DRD4: variants seen among roughly 807,000 people sequenced by gnomAD.
The protein encoded by DRD4 is dopamine receptor D4.
DRD4 carries 26 observed loss-of-function variants against 22.1 expected under a neutral mutation model. That is an observed-to-expected ratio of 1.17 (90% confidence interval 0.86 to 1.63). DRD4 has a LOEUF of 1.63. Ranked by LOEUF, DRD4 falls within the 40% of genes most tolerant of loss-of-function variation. The pLI is 0.00. For missense variants in DRD4, 913 were observed against 632.4 expected (o/e 1.44, Z -4.76); for synonymous variants, 455 against 306.7 (o/e 1.48, Z -5.05).
At chr11:639,337 C>A in intron 1 of DRD4, 96 bp from the exon 2 acceptor site, 2 of 1,197,954 alleles carry the variant, frequency 1.7e-6, no homozygotes, top group South Asian at 1.3e-5. Flanking sequence ...GCCCCCTTCT[C>A]CGTATTCAGC....
In DRD4 at chr11:639,665, T is replaced by C. The variant is rs1265151721; in HGVS notation, c.416T>C (p.Val139Ala). The C allele has an allele frequency of 6.8e-7, 1 of 1,464,222 alleles. No individual in the cohort carries two copies. The highest frequency in any genetic ancestry group is 2.4e-5 in the Admixed American group (1 of 42,506). The allele number at this position is 1,464,222 out of a possible 1,614,324, so 90.7% of individuals were successfully genotyped here. A position where few individuals can be genotyped will look rare whatever the true frequency, so the allele number is the denominator to read the frequency against. The change falls in exon 3 of 4, where the codon GTG (valine) becomes GCG (alanine). Residue 139 changes from valine to alanine, a missense_variant. Physicochemically the swap from Val to Ala is moderately conservative, Grantham distance 64. Coordinates refer to ENST00000176183, the MANE Select transcript of DRD4 (RefSeq NM_000797.4). ...CCCCGCAGGTTCGTGGCCGTGGCCG[T>C]GCCGCTGCGCTACAACCGGCAGGGT... ...ISVDRFVAVAVPLRYNRQGGS... is the reference protein window; with the variant it reads ...ISVDRFVAVAAPLRYNRQGGS...
rs1258037201 is a variant in DRD4, at chr11:639,964, A to C, written c.715A>C (p.Ser239Arg). The C allele has an allele frequency of 4.1e-6, 6 of 1,464,128 alleles. No homozygotes were observed. Among genetic ancestry groups the C allele is most frequent in the Non-Finnish European group, 4.5e-6 (5 of 1,113,474 alleles). The allele number at this position is 1,464,128 out of a possible 1,614,324, so 90.7% of individuals were successfully genotyped here. A position where few individuals can be genotyped will look rare whatever the true frequency, so the allele number is the denominator to read the frequency against. Residue 239 changes from serine to arginine, a missense_variant, in exon 3 of 4, where the codon AGC (serine) becomes CGC (arginine). Ser to Arg is a moderately radical substitution (Grantham distance 110). Coordinates refer to ENST00000176183, the MANE Select transcript of DRD4 (RefSeq NM_000797.4). ...GCACGGCCGCGCGCCCCGCCGACCC[A>C]GCGGCCCTGGCCCGCCTTCCCCCAC... is the stretch of plus-strand genomic sequence containing the variant. ...KLHGRAPRRP[S>R]GPGPPSPTPP...
chr11:639,121 GGC>G (rs1285174468), intron 1 of DRD4: 1 of 395,642 alleles, frequency 2.5e-6, no homozygotes, highest in South Asian at 2.8e-5. Flanking sequence ...CGGGGGTGGT[GGC>G]GCGCGGCTGT....
chr11:639,852 CT>C lies in DRD4; in HGVS notation c.605del (p.Phe202SerfsTer144). 2 of 1,585,780 alleles carry C rather than the reference CT, an allele frequency of 1.3e-6. No homozygotes were observed. Among genetic ancestry groups the C allele is most frequent in the Non-Finnish European group, 1.7e-6 (2 of 1,173,568 alleles). On this transcript the variant is annotated frameshift_variant, in exon 3 of 4. Coordinates refer to ENST00000176183, the MANE Select transcript of DRD4 (RefSeq NM_000797.4). LOFTEE classifies it high-confidence loss of function. ...TGGTCTACTCGTCCGTGTGCTCCTT[CT>C]TCCTACCCTGCCCGCTCATGCTGCT... ...YVVYSSVCSF[F>X]LPCPLMLLLY...
At chr11:638,667 A>C (rs1309525580) in intron 1 of DRD4, among the ~76,000 whole-genome samples, 4 of 152,200 alleles carry the variant, frequency 2.6e-5, no homozygotes, top group Non-Finnish European at 5.9e-5. Context: ...AACTTAGCCA[A>C]CAGAGCAGCC....
chr11:639,561 C>A lies in DRD4; in HGVS notation c.398+16C>A, dbSNP rs201554946. 6.2e-6 allele frequency: 9 copies of A among 1,440,816 alleles called. No homozygotes were observed. The Admixed American group carries it at 9.7e-5, about 15-fold the overall frequency. 89.3% of individuals were successfully genotyped at this position (1,440,816 alleles called of 1,614,324 possible). A position where few individuals can be genotyped will look rare whatever the true frequency, so the allele number is the denominator to read the frequency against. ...GCGTGGACAGGTGCGCCGCCCTCCC[C>A]GCCCGCGCCCCGGCGCCCCCGCGCC... On this transcript the variant is annotated intron_variant, in intron 2 of 3. Coordinates refer to ENST00000176183, the MANE Select transcript of DRD4 (RefSeq NM_000797.4).
In DRD4 at chr11:637,375, CG is replaced by C; in HGVS notation, c.76del (p.Ala26HisfsTer32). On this transcript the variant is annotated frameshift_variant, in exon 1 of 4. Coordinates refer to ENST00000176183, the MANE Select transcript of DRD4 (RefSeq NM_000797.4). LOFTEE classifies it high-confidence loss of function. ...CGCGGGCCGGCCGCGGGGGCATCTG[CG>C]GGGGCATCTGCGGGGCTGGCTGGGC... is the stretch of plus-strand genomic sequence containing the variant. ...AGRGPAAGAS[A>X]GASAGLAGQG... 1 of 1,362,066 alleles carries C rather than the reference CG, an allele frequency of 7.3e-7. No individual in the cohort carries two copies. Among genetic ancestry groups the C allele is most frequent in the Non-Finnish European group, 9.4e-7 (1 of 1,065,060 alleles). The allele number at this position is 1,362,066 out of a possible 1,614,324, so 84.4% of individuals were successfully genotyped here. A position where few individuals can be genotyped will look rare whatever the true frequency, so the allele number is the denominator to read the frequency against.
chr11:639,262 AGGGAGATCTGCGTGGGGAAG>A, intron 1 of DRD4, 151 bp from the exon 2 acceptor site: 1 of 645,512 alleles, frequency 1.5e-6, no homozygotes, highest in Non-Finnish European at 2.8e-6. Flanking sequence ...CTCAAAACAA[AGGGAGATCTGCGTGGGGAAG>A]GGGTGTTTCC....
intron 1 of DRD4, among the ~76,000 whole-genome samples, chr11:637,928 C>T (rs527815615): frequency 1.3e-5 from 2 of 152,360 alleles, no homozygotes; most frequent in African/African-American, 2.4e-5. Context: ...GATTTCACCT[C>T]CAGGGCAGCC....
In DRD4 at chr11:640,546, T is replaced by G. The variant is rs773219389; in HGVS notation, c.1203T>G (p.Thr401=). The stretch of plus-strand genomic sequence containing the variant: ...GCGCCCTCAACCCCGTCATCTACAC[T>G]GTCTTCAACGCCGAGTTCCGCAACG... ...VNSALNPVIY[T]VFNAEFRNVF... Residue 401 remains threonine (T), a synonymous_variant, in exon 4 of 4, where the codon ACT becomes ACG. Transcript: ENST00000176183. 7 of 1,600,300 alleles carry G rather than the reference T, an allele frequency of 4.4e-6. No individual in the cohort carries two copies. In the Admixed American group the frequency reaches 1.0e-4, roughly 23 times the overall value.
At position 639,717 on chromosome 11, in the gene DRD4, C is replaced by G; in HGVS notation, c.468C>G (p.Ile156Met). The G allele has an allele frequency of 6.7e-7, 1 of 1,503,244 alleles. No homozygotes were observed. The highest frequency in any genetic ancestry group is 2.7e-5 in the East Asian group (1 of 37,080). The allele number at this position is 1,503,244 out of a possible 1,614,324, so 93.1% of individuals were successfully genotyped here. A position where few individuals can be genotyped will look rare whatever the true frequency, so the allele number is the denominator to read the frequency against. Residue 156 changes from isoleucine (I) to methionine (M), a missense_variant, in exon 3 of 4, where the codon ATC (isoleucine) becomes ATG (methionine). By Grantham distance (10) the Ile-to-Met change is conservative. Transcript: ENST00000176183. Reference sequence around the variant, plus strand: ...GGAGCCGCCGGCAGCTGCTGCTCATCGGCGCCACGTGGCTGCTGTCCGCGG... The same window carrying G: ...GGAGCCGCCGGCAGCTGCTGCTCATGGGCGCCACGTGGCTGCTGTCCGCGG... ...QGGSRRQLLLIGATWLLSAAV... is the reference protein window; with the variant it reads ...QGGSRRQLLLMGATWLLSAAV...
In DRD4 at chr11:640,545, C is replaced by T. The variant is rs772127667; in HGVS notation, c.1202C>T (p.Thr401Ile). The change falls in exon 4 of 4, where the codon ACT (threonine) becomes ATT (isoleucine). Residue 401 changes from threonine to isoleucine, a missense_variant. Thr to Ile is a moderately conservative substitution (Grantham distance 89). Transcript: ENST00000176183. ...VNSALNPVIY[T>I]VFNAEFRNVF... is the part of the protein sequence containing the mutation. The stretch of plus-strand genomic sequence containing the variant: ...AGCGCCCTCAACCCCGTCATCTACA[C>T]TGTCTTCAACGCCGAGTTCCGCAAC... 2 of 1,600,820 alleles carry T rather than the reference C, an allele frequency of 1.2e-6. No homozygotes were observed. Among genetic ancestry groups the T allele is most frequent in the Admixed American group, 3.3e-5 (2 of 60,028 alleles).
intron 1 of DRD4, 93 bp downstream of exon 1, chr11:637,682 C>G: frequency 3.9e-6 from 6 of 1,529,278 alleles, no homozygotes; most frequent in Non-Finnish European, 5.2e-6. Flanking sequence ...CGGCCCCTTT[C>G]TGGTGCGGAG....
Position 639,946 on chromosome 11 carries a change from C to T in DRD4, c.697C>T (p.Arg233Cys), listed in dbSNP as rs1461812518. ...GGCACGTCGCGCCAAGCTGCACGGC[C>T]GCGCGCCCCGCCGACCCAGCGGCCC... ...EVARRAKLHG[R>C]APRRPSGPGP... Residue 233 changes from arginine to cysteine, a missense_variant, in exon 3 of 4, where the codon CGC becomes TGC. Transcript: ENST00000176183. 4 of 1,450,708 alleles carry T rather than the reference C, an allele frequency of 2.8e-6. No homozygotes were observed. The highest frequency in any genetic ancestry group is 3.6e-6 in the Non-Finnish European group (4 of 1,109,186). The allele number at this position is 1,450,708 out of a possible 1,614,324, so 89.9% of individuals were successfully genotyped here.
rs529657556 is a variant in DRD4 at position 639,766 on chromosome 11, G to A, written c.517G>A (p.Gly173Ser). 2.0e-5 allele frequency: 32 copies of A among 1,572,766 alleles called. No individual in the cohort carries two copies. In the African/African-American group the frequency reaches 2.2e-4, roughly 11 times the overall value. The change falls in exon 3 of 4, where the codon GGC (glycine) becomes AGC (serine). Residue 173 changes from glycine to serine, a missense_variant. Transcript: ENST00000176183. ...GGCGGTGGCGGCGCCCGTACTGTGC[G>A]GCCTCAACGACGTGCGCGGCCGCGA... ...SAAVAAPVLC[G>S]LNDVRGRDPA...
rs909144755 is a variant in DRD4, at chr11:640,170, C to G, written c.921C>G (p.Gly307=). 6.6e-6 allele frequency: 10 copies of G among 1,526,678 alleles called. No individual in the cohort carries two copies. The highest frequency in any genetic ancestry group is 8.8e-6 in the Non-Finnish European group (10 of 1,142,566). The allele number at this position is 1,526,678 out of a possible 1,614,324, so 94.6% of individuals were successfully genotyped here. The change falls in exon 3 of 4, where the codon GGC becomes GGG. Residue 307 remains glycine, a synonymous_variant. Coordinates refer to ENST00000176183, the MANE Select transcript of DRD4 (RefSeq NM_000797.4). ...CCGGCCTCCCCCCGGACCCCTGCGGCTCCAACTGTGCTCCCCCCGACGCCG... is the reference window on the plus strand; with the variant it reads ...CCGGCCTCCCCCCGGACCCCTGCGGGTCCAACTGTGCTCCCCCCGACGCCG... ...PAPGLPPDPC[G]SNCAPPDAVR...
rs1012641552 is a variant in DRD4 at position 637,368 on chromosome 11, G to T, written c.64G>T (p.Ala22Ser). The T allele has an allele frequency of 2.0e-5, 23 of 1,141,354 alleles. No individual in the cohort carries two copies. The East Asian group carries it at 3.9e-4, about 19-fold the overall frequency. The allele number at this position is 1,141,354 out of a possible 1,614,324, so 70.7% of individuals were successfully genotyped here. A position where few individuals can be genotyped will look rare whatever the true frequency, so the allele number is the denominator to read the frequency against. The change falls in exon 1 of 4, where the codon GCA becomes TCA. Residue 22 changes from alanine (A) to serine (S), a missense_variant. Transcript: ENST00000176183. ...GGCTGGGCGCGGGCCGGCCGCGGGGGCATCTGCGGGGGCATCTGCGGGGCT... is the reference window on the plus strand; with the variant it reads ...GGCTGGGCGCGGGCCGGCCGCGGGGTCATCTGCGGGGGCATCTGCGGGGCT... ...LLAGRGPAAG[A>S]SAGASAGLAG...
In DRD4 at chr11:639,794, C is replaced by T. The variant is rs1325418430; in HGVS notation, c.545C>T (p.Pro182Leu). 2 of 1,580,416 alleles carry T rather than the reference C, an allele frequency of 1.3e-6. No homozygotes were observed. Among genetic ancestry groups the T allele is most frequent in the Admixed American group, 1.7e-5 (1 of 58,564 alleles). The change falls in exon 3 of 4, where the codon CCC (proline) becomes CTC (leucine). Residue 182 changes from proline (P) to leucine (L), a missense_variant. Transcript: ENST00000176183. ...CTCAACGACGTGCGCGGCCGCGACC[C>T]CGCCGTGTGCCGCCTGGAGGACCGC... ...CGLNDVRGRD[P>L]AVCRLEDRDY...
Position 639,874 on chromosome 11 carries a change from C to G in DRD4, c.625C>G (p.Leu209Val), listed in dbSNP as rs1589958499. The change falls in exon 3 of 4, where the codon CTG becomes GTG. Residue 209 changes from leucine (L) to valine (V), a missense_variant. By Grantham distance (32) the Leu-to-Val change is conservative. Coordinates refer to ENST00000176183, the MANE Select transcript of DRD4 (RefSeq NM_000797.4). ...CSFFLPCPLM[L>V]LLYWATFRGL... ...CTTCTTCCTACCCTGCCCGCTCATGCTGCTGCTCTACTGGGCCACGTTCCG... is the reference window on the plus strand; with the variant it reads ...CTTCTTCCTACCCTGCCCGCTCATGGTGCTGCTCTACTGGGCCACGTTCCG... The G allele has an allele frequency of 6.3e-7, 1 of 1,580,606 alleles. No individual in the cohort carries two copies. The highest frequency in any genetic ancestry group is 8.5e-7 in the Non-Finnish European group (1 of 1,170,554).
Sources: allele counts gnomAD v4.1 joint callset (sites outside exome capture counted in the v4.1 genomes callset), GRCh38; gene constraint gnomAD v4.1.1; transcripts MANE v1.5; gene names NCBI Gene and HGNC (gene_info 2026-07-23, HGNC 2026-07-21).